The following TBC1D32 variants were observed in gnomAD, a reference collection of about 807,000 sequenced individuals.
TBC1D32 encodes protein broad-minded.
TBC1D32 carries 151 observed loss-of-function variants against 170.3 expected under a neutral mutation model. The ratio of observed to expected loss-of-function variants is 0.89; its 90% CI spans 0.78 to 1.01. The LOEUF (loss-of-function observed/expected upper bound fraction) is 1.01, where lower values mean the gene tolerates loss of function less well. TBC1D32 is among the 50% of genes least tolerant of loss of function. TBC1D32 has a pLI of 0.00. For missense variants in TBC1D32, 1,464 were observed against 1,457.1 expected (o/e 1.00, Z -0.08); for synonymous variants, 498 against 488.0 (o/e 1.02, Z -0.27).
At chr6:121,298,143 AAAAT>A (rs1256446647) in intron 10 of TBC1D32, among the ~76,000 whole-genome samples, 2 of 152,114 alleles carry the variant, frequency 1.3e-5, no homozygotes, top group African/African-American at 4.8e-5. Flanking sequence ...TTACTTTTAA[AAAAT>A]AAATATAAAA....
intron 15 of TBC1D32, among the ~76,000 whole-genome samples, chr6:121,268,200 TCTC>T (rs1462310211): frequency 6.6e-6 from 1 of 152,080 alleles, no homozygotes; most frequent in African/African-American, 2.4e-5. Flanking sequence ...GAGCACTTCT[TCTC>T]CTCCAAAGGA....
In TBC1D32 at chr6:121,230,614, A is replaced by G. The variant is rs1159226135; in HGVS notation, c.2365-7262T>C. Among the ~76,000 whole-genome samples the G allele has an allele frequency of 2.0e-5, 3 of 150,844 alleles. No individual in the cohort carries two copies. The Admixed American group carries it at 2.0e-4, about 10-fold the overall frequency. On this transcript the variant is annotated intron_variant, in intron 20 of 31. Coordinates refer to ENST00000398212, the MANE Select transcript of TBC1D32 (RefSeq NM_152730.6). ...AAGTTAATTTCTTTTTTACTGGTAAATGTTATTGAAATCTGATATGTATAT... is the reference window on the plus strand; with the variant it reads ...AAGTTAATTTCTTTTTTACTGGTAAGTGTTATTGAAATCTGATATGTATAT...
intron 21 of TBC1D32, among the ~76,000 whole-genome samples, chr6:121,221,826 T>C (rs536050534): frequency 1.2e-4 from 18 of 152,324 alleles, no homozygotes; most frequent in Non-Finnish European, 2.2e-4. Flanking sequence ...TGAACACTGT[T>C]GAAATAACAA....
intron 4 of TBC1D32, among the ~76,000 whole-genome samples, chr6:121,309,138 A>G (rs549141651): frequency 1.9e-4 from 29 of 152,208 alleles, no homozygotes; most frequent in Non-Finnish European, 3.5e-4. Flanking sequence ...GAACTCCTCA[A>G]TATAACTTTA....
chr6:121,299,261 CATTTT>C (rs1806102259), intron 10 of TBC1D32, among the ~76,000 whole-genome samples, 180 bp downstream of exon 10: 2 of 152,084 alleles, frequency 1.3e-5, no homozygotes, highest in Admixed American at 1.3e-4. Context: ...TGACTGCATT[CATTTT>C]AAGTCTCTAT....
At chr6:121,143,898 C>T (rs1783110441) in intron 24 of TBC1D32, among the ~76,000 whole-genome samples, 1 of 151,952 alleles carries the variant, frequency 6.6e-6, no homozygotes, top group Non-Finnish European at 1.5e-5. Context: ...TTCTGACTTT[C>T]CCATTTTCTG....
intron 30 of TBC1D32, among the ~76,000 whole-genome samples, chr6:121,094,730 G>T (rs1652735393): frequency 6.6e-6 from 1 of 151,960 alleles, no homozygotes; most frequent in South Asian, 2.1e-4. Context: ...TACTAAAGAT[G>T]TTTCCTCCAA....
chr6:121,191,557 C>T (rs1329801553), intron 22 of TBC1D32, among the ~76,000 whole-genome samples: 1 of 147,066 alleles, frequency 6.8e-6, no homozygotes, highest in African/African-American at 2.7e-5. Context: ...TGAGCGGAGA[C>T]TATAGGAGGC....
intron 30 of TBC1D32, among the ~76,000 whole-genome samples, chr6:121,097,814 A>T (rs1001870057): frequency 6.6e-6 from 1 of 152,164 alleles, no homozygotes; most frequent in Non-Finnish European, 1.5e-5. Flanking sequence ...CAATGATAAT[A>T]GACTGGATTA....
chr6:121,097,776 A>C (rs1404281774), intron 30 of TBC1D32, among the ~76,000 whole-genome samples: 1 of 152,158 alleles, frequency 6.6e-6, no homozygotes, highest in Non-Finnish European at 1.5e-5. Context: ...CACAATAGCA[A>C]AGACTTGGAA....
intron 21 of TBC1D32, among the ~76,000 whole-genome samples, chr6:121,212,419 A>T (rs890580980): frequency 1.3e-5 from 2 of 151,648 alleles, no homozygotes; most frequent in African/African-American, 4.8e-5. Flanking sequence ...CCTGGCAGAG[A>T]CACAACAAAA....
intron 15 of TBC1D32, among the ~76,000 whole-genome samples, chr6:121,277,886 A>G (rs1802452488): frequency 6.6e-6 from 1 of 151,954 alleles, no homozygotes; most frequent in Admixed American, 6.6e-5. Flanking sequence ...AAGAAAAAAA[A>G]AAAGAGAAGA....
intron 3 of TBC1D32, among the ~76,000 whole-genome samples, chr6:121,313,001 TTGGGTTC>T (rs776472189): frequency 1.3e-5 from 2 of 152,152 alleles, no homozygotes; most frequent in Non-Finnish European, 2.9e-5. Context: ...GAACTCCCTC[TTGGGTTC>T]TGGGTCAAGA....
At chr6:121,159,605 A>G (rs926120817) in intron 24 of TBC1D32, among the ~76,000 whole-genome samples, 5 of 152,184 alleles carry the variant, frequency 3.3e-5, no homozygotes, top group African/African-American at 1.2e-4. Flanking sequence ...TAGAGGGTAT[A>G]GTCTAACTCT....
In TBC1D32 at chr6:121,292,185, G is replaced by T; in HGVS notation, c.1240C>A (p.Gln414Lys). Residue 414 changes from glutamine (Q) to lysine (K), a missense_variant, in exon 12 of 32, where the codon CAG (glutamine) becomes AAG (lysine). By Grantham distance (53) the Gln-to-Lys change is moderately conservative. Coordinates refer to ENST00000398212, the MANE Select transcript of TBC1D32 (RefSeq NM_152730.6). ...TGTCCTAAGTAGTAGAAAGTTTTCT[G>T]CTTGTTTCCTTAAAAGAGAAGCAAA... ...LGHSKHCRNK[Q>K]KTFYYLGQEL... 1 of 1,586,292 alleles carries T rather than the reference G, an allele frequency of 6.3e-7. No individual in the cohort carries two copies. Among genetic ancestry groups the T allele is most frequent in the Admixed American group, 1.8e-5 (1 of 55,886 alleles).
chr6:121,109,910 T>C (rs1187395936), intron 29 of TBC1D32, among the ~76,000 whole-genome samples: 1 of 152,114 alleles, frequency 6.6e-6, no homozygotes, highest in Non-Finnish European at 1.5e-5. Context: ...ATCTAATATC[T>C]TTCAAATACA....
chr6:121,105,937 G>T, intron 30 of TBC1D32, 86 bp downstream of exon 30: 2 of 1,310,858 alleles, frequency 1.5e-6, no homozygotes, highest in Non-Finnish European at 2.0e-6. Flanking sequence ...TAATTTAAAG[G>T]TATTTCCTTA....
chr6:121,241,657 T>C (rs1797003066), intron 18 of TBC1D32, 105 bp from the exon 19 acceptor site: 1 of 940,608 alleles, frequency 1.1e-6, no homozygotes, highest in South Asian at 1.5e-5. Context: ...CTCTGAAAAA[T>C]ATTTTAAAAT....
rs552735020 is a variant in TBC1D32, at chr6:121,184,283, G to T, written c.2570+20792C>A. On this transcript the variant is annotated intron_variant, in intron 22 of 31. Coordinates refer to ENST00000398212, the MANE Select transcript of TBC1D32 (RefSeq NM_152730.6). The stretch of plus-strand genomic sequence containing the variant: ...ATATTAACTGGACTTAGGTGGGCAG[G>T]AAGTAGCTGGTACTCCATATGCTTT... Among the ~76,000 whole-genome samples the T allele has an allele frequency of 2.6e-5, 4 of 152,018 alleles. No homozygotes were observed. In the South Asian group the frequency reaches 8.3e-4, roughly 32 times the overall value.
Sources: gnomAD v4.1 joint callset for allele counts (sites outside exome capture counted in the v4.1 genomes callset) on GRCh38, gnomAD v4.1.1 for gene constraint, MANE v1.5 for transcripts, NCBI Gene and HGNC (gene_info 2026-07-23, HGNC 2026-07-21) for gene names.